TNKS: variants seen among roughly 807,000 people sequenced by gnomAD.
TNKS encodes the protein poly [ADP-ribose] polymerase tankyrase-1.
In TNKS, 72 loss-of-function variants were observed where a neutral mutation model predicts 135.8. The observed-to-expected ratio is 0.53, with a 90% CI of 0.44 to 0.64. The LOEUF is 0.64. TNKS is among the 30% of genes least tolerant of loss of function. The pLI, the probability that TNKS is intolerant of heterozygous loss-of-function variation, is 0.00. For synonymous variants in TNKS, 849 were observed against 649.3 expected (o/e 1.31, Z -4.68); for missense variants, 1,769 against 1,674.0 (o/e 1.06, Z -0.99).
chr8:9,748,318 A>C, intron 18 of TNKS, 106 bp downstream of exon 18: 1 of 1,034,206 alleles, frequency 9.7e-7, no homozygotes, highest in Non-Finnish European at 1.3e-6. Context: ...TTTCACTTAG[A>C]ACAGAGATCT....
chr8:9,727,453 A>C (rs1328274878), intron 13 of TNKS, among the ~76,000 whole-genome samples: 1 of 152,150 alleles, frequency 6.6e-6, no homozygotes, highest in Non-Finnish European at 1.5e-5. Flanking sequence ...GTTTTTTACG[A>C]GACAAGGTCT....
intron 11 of TNKS, among the ~76,000 whole-genome samples, chr8:9,714,330 CT>C (rs34419756): frequency 0.69 from 100,972 of 146,904 alleles, 34,410 homozygotes; most frequent in Middle Eastern, 0.78. Context: ...GCCCTACAGG[CT>C]TTTTTTTTTT....
chr8:9,694,502 C>T lies in TNKS; in HGVS notation c.1108-10161C>T, dbSNP rs757263288. 4.6e-5 allele frequency among the ~76,000 whole-genome samples: 7 copies of T among 152,144 alleles called. No individual in the cohort carries two copies. In the South Asian group the frequency reaches 8.3e-4, roughly 18 times the overall value. On this transcript the variant is annotated intron_variant, in intron 5 of 26. Transcript: ENST00000310430. ...CCAGGCCCGGCATGGTGGCTCACAC[C>T]TGTAATCCCAGCACTTTGGGAGGCC... is the stretch of plus-strand genomic sequence containing the variant.
intron 26 of TNKS, among the ~76,000 whole-genome samples, chr8:9,772,797 GTGTGTGTGTGTT>G (rs1245140228): frequency 7.9e-6 from 1 of 126,144 alleles, no homozygotes; most frequent in African/African-American, 3.3e-5. Context: ...GGGAGAATGT[GTGTGTGTGTGTT>G]TGTGTGTGTG....
chr8:9,658,306 C>T (rs113274611), intron 3 of TNKS: 151,874 of 509,468 alleles, frequency 0.3, 25,939 homozygotes, highest in Non-Finnish European at 0.37. Flanking sequence ...TCCTTGCCCT[C>T]GGGCCCCGCG....
intron 12 of TNKS, among the ~76,000 whole-genome samples, chr8:9,726,172 C>G (rs1352912370): frequency 6.6e-6 from 1 of 152,174 alleles, no homozygotes; most frequent in Admixed American, 6.5e-5. Context: ...AGGAGGATCA[C>G]TTGAGCCCAG....
intron 3 of TNKS, among the ~76,000 whole-genome samples, chr8:9,649,742 A>T (rs1382181302): frequency 6.6e-6 from 1 of 151,778 alleles, no homozygotes; most frequent in Non-Finnish European, 1.5e-5. Flanking sequence ...TCCATTCCTG[A>T]GTTACTTCAC....
chr8:9,613,550 A>G (rs4240626), intron 2 of TNKS, among the ~76,000 whole-genome samples: 43,844 of 152,082 alleles, frequency 0.29, 6,619 homozygotes, highest in East Asian at 0.39. Context: ...GAATTTTGTT[A>G]TCAGCATCTG....
At chr8:9,637,001 A>T (rs1008669694) in intron 3 of TNKS, among the ~76,000 whole-genome samples, 1 of 152,176 alleles carries the variant, frequency 6.6e-6, no homozygotes, top group Non-Finnish European at 1.5e-5. Flanking sequence ...ACCTTTATTG[A>T]TGTGGATGTT....
At chr8:9,598,729 G>C (rs190263961) in intron 2 of TNKS, among the ~76,000 whole-genome samples, 47 of 123,472 alleles carry the variant, frequency 3.8e-4, no homozygotes, top group South Asian at 1.4e-3. Flanking sequence ...GTGTGTGTGT[G>C]TGTGTCTGTG....
intron 1 of TNKS, among the ~76,000 whole-genome samples, chr8:9,565,267 C>G (rs1054824211): frequency 2.6e-5 from 4 of 151,980 alleles, no homozygotes; most frequent in Admixed American, 6.6e-5. Context: ...TCAATTTAGA[C>G]AAGTTATTTA....
At chr8:9,732,438 C>T (rs926068175) in intron 14 of TNKS, among the ~76,000 whole-genome samples, 1 of 152,154 alleles carries the variant, frequency 6.6e-6, no homozygotes, top group African/African-American at 2.4e-5. Context: ...ATTTAGGCCT[C>T]ATCGAACCAT....
At chr8:9,722,806 C>T (rs182394871) in intron 12 of TNKS, among the ~76,000 whole-genome samples, 4 of 152,166 alleles carry the variant, frequency 2.6e-5, no homozygotes, top group Admixed American at 6.5e-5. Context: ...AGCTTTGCCT[C>T]AAATTATGTG....
At chr8:9,632,902 T>C (rs1278731151) in intron 3 of TNKS, among the ~76,000 whole-genome samples, 12 of 152,110 alleles carry the variant, frequency 7.9e-5, no homozygotes, top group Admixed American at 7.9e-4. Flanking sequence ...GCTAATTTTT[T>C]GTATTTTTAG....
At chr8:9,634,109 A>T (rs946362205) in intron 3 of TNKS, among the ~76,000 whole-genome samples, 4 of 149,480 alleles carry the variant, frequency 2.7e-5, no homozygotes, top group Admixed American at 1.3e-4. Flanking sequence ...ATATGTATAT[A>T]TATTTTTTTT....
Position 9,700,602 on chromosome 8 carries a change from C to T in TNKS, c.1108-4061C>T, listed in dbSNP as rs528209196. The stretch of plus-strand genomic sequence containing the variant: ...TCCCTCTGGGCTCTCCTTTCCCTTA[C>T]ACTCCCTTCTTTTTTTTTTTCTGTT... On this transcript the variant is annotated intron_variant, in intron 5 of 26. Coordinates refer to ENST00000310430, the MANE Select transcript of TNKS (RefSeq NM_003747.3). Among the ~76,000 whole-genome samples the T allele has an allele frequency of 4.8e-3, 489 of 102,868 alleles. 3 individuals carry two copies. Among genetic ancestry groups the T allele is most frequent in the African/African-American group, 0.016 (448 of 28,252 alleles). 67.5% of individuals were successfully genotyped at this position (102,868 alleles called of 152,430 possible).
At chr8:9,764,208 A>G (rs1201413469) in intron 22 of TNKS, among the ~76,000 whole-genome samples, 1 of 152,180 alleles carries the variant, frequency 6.6e-6, no homozygotes, top group East Asian at 1.9e-4. Context: ...TTTAGAGAGT[A>G]GTCAGAAGAC....
chr8:9,702,574 C>T (rs1284133900), intron 5 of TNKS, among the ~76,000 whole-genome samples: 1 of 152,180 alleles, frequency 6.6e-6, no homozygotes, highest in Non-Finnish European at 1.5e-5. Flanking sequence ...CAGAAGTATT[C>T]TTCTAAAATG....
intron 2 of TNKS, among the ~76,000 whole-genome samples, chr8:9,596,974 T>C (rs10105968): frequency 0.12 from 17,838 of 152,254 alleles, 1,353 homozygotes; most frequent in African/African-American, 0.22. Flanking sequence ...ACATTGAATA[T>C]AGGAGTGGTA....
Sources: gnomAD v4.1 joint callset for allele counts (sites outside exome capture counted in the v4.1 genomes callset) on GRCh38, gnomAD v4.1.1 for gene constraint, MANE v1.5 for transcripts, NCBI Gene and HGNC (gene_info 2026-07-23, HGNC 2026-07-21) for gene names.